The following PCDH10 variants were observed in gnomAD, a reference collection of about 807,000 sequenced individuals.
PCDH10 encodes the protein protocadherin-10.
Under a neutral mutation model 74.4 loss-of-function variants are expected in PCDH10, and 15 were observed. The ratio of observed to expected loss-of-function variants is 0.20; its 90% CI spans 0.13 to 0.31. The LOEUF (loss-of-function observed/expected upper bound fraction) is 0.31, where lower values mean the gene tolerates loss of function less well. Ranked by LOEUF, PCDH10 falls within the 10% of genes least tolerant of loss-of-function variation. The pLI, the probability that PCDH10 is intolerant of heterozygous loss-of-function variation, is 1.00. For synonymous variants in PCDH10, 619 were observed against 589.8 expected (o/e 1.05, Z -0.72); for missense variants, 1,260 against 1,390.2 (o/e 0.91, Z 1.49).
intron 4 of PCDH10, among the ~76,000 whole-genome samples, chr4:133,182,045 T>A (rs1727428318): frequency 6.6e-6 from 1 of 152,142 alleles, no homozygotes; most frequent in Admixed American, 6.6e-5. Context: ...ATTATTTGCC[T>A]GTATTTTTTT....
At chr4:133,163,305 T>C (rs1459091007) in intron 4 of PCDH10, 23 bp downstream of exon 4, 1 of 1,558,516 alleles carries the variant, frequency 6.4e-7, no homozygotes, top group African/African-American at 1.4e-5. Context: ...CAAAGGGCTC[T>C]GTTAAAGTGT....
chr4:133,195,826 G>GAT (rs1301957646), downstream of PCDH10, among the ~76,000 whole-genome samples: 5 of 151,908 alleles, frequency 3.3e-5, no homozygotes, highest in Non-Finnish European at 5.9e-5. Flanking sequence ...ACTTTTTTCA[G>GAT]ATATATATAC....
At chr4:133,173,040 A>G (rs916686036) in intron 4 of PCDH10, among the ~76,000 whole-genome samples, 2 of 152,008 alleles carry the variant, frequency 1.3e-5, no homozygotes, top group African/African-American at 4.8e-5. Context: ...TTATAGAAAC[A>G]AATATTTAAA....
intron 3 of PCDH10, among the ~76,000 whole-genome samples, chr4:133,162,207 A>G (rs1726983292): frequency 6.6e-6 from 1 of 152,208 alleles, no homozygotes; most frequent in South Asian, 2.1e-4. Context: ...TGTCAATAGT[A>G]TCTGCAGTTG....
At chr4:133,162,205 G>A (rs1389886987) in intron 3 of PCDH10, among the ~76,000 whole-genome samples, 1 of 152,136 alleles carries the variant, frequency 6.6e-6, no homozygotes, top group Non-Finnish European at 1.5e-5. Context: ...TTTGTCAATA[G>A]TATCTGCAGT....
At chr4:133,208,111 G>A (rs1728083841) in exon 3 of PCDH10, 1 of 152,206 alleles carries the variant, frequency 6.6e-6, no homozygotes, top group African/African-American at 2.4e-5. Context: ...AGAGACACAT[G>A]TGGCACAAGA....
chr4:133,169,447 C>T (rs1727157938), intron 4 of PCDH10, among the ~76,000 whole-genome samples: 3 of 151,754 alleles, frequency 2.0e-5, no homozygotes, highest in African/African-American at 7.2e-5. Flanking sequence ...TTTTTCAAAG[C>T]AGTTTATCTC....
chr4:133,151,744 A>G lies in PCDH10; in HGVS notation c.1604A>G (p.Gln535Arg), dbSNP rs1726704329. The part of the protein sequence containing the change: ...LYALRSFDYE[Q>R]LKDFSFQVEA... ...GCCCTGCGCTCCTTCGACTATGAGCAGCTGAAGGACTTCAGTTTTCAGGTG... is the reference window on the plus strand; with the variant it reads ...GCCCTGCGCTCCTTCGACTATGAGCGGCTGAAGGACTTCAGTTTTCAGGTG... The change falls in exon 1 of 5, where the codon CAG (glutamine) becomes CGG (arginine). Residue 535 changes from glutamine to arginine, a missense_variant. Gln to Arg is a conservative substitution (Grantham distance 43, BLOSUM62 1). Coordinates refer to ENST00000264360, the MANE Select transcript of PCDH10 (RefSeq NM_032961.3). The G allele has an allele frequency of 1.9e-6, 3 of 1,613,032 alleles. No homozygotes were observed. The highest frequency in any genetic ancestry group is 2.5e-6 in the Non-Finnish European group (3 of 1,180,052).
intron 4 of PCDH10, chr4:133,164,009 T>C (rs1425239512): frequency 1.1e-5 from 5 of 455,654 alleles, no homozygotes; most frequent in African/African-American, 2.0e-5. Context: ...AAGTGTTATA[T>C]GCTTAAAGGA....
intron 2 of PCDH10, among the ~76,000 whole-genome samples, chr4:133,203,881 G>A (rs1012776043): frequency 1.3e-5 from 2 of 152,158 alleles, no homozygotes; most frequent in African/African-American, 4.8e-5. Flanking sequence ...TCTGCATCTA[G>A]TAAGGTCATT....
At chr4:133,180,650 AGATT>A (rs1343281621) in intron 4 of PCDH10, among the ~76,000 whole-genome samples, 1 of 151,970 alleles carries the variant, frequency 6.6e-6, no homozygotes, top group Non-Finnish European at 1.5e-5. Context: ...GCCCCAAGAA[AGATT>A]GATTAATTAA....
rs1255767690 is a variant in PCDH10, at chr4:133,152,622, GAGTCCGCCA to G, written c.2485_2493del (p.Ser829_Lys831del). ...CTGCTATCAGGTATGCCTGACCCCT[GAGTCCGCCA>G]AGACCGACCTGATGTTTCTTAAGCC... On this transcript the variant is annotated inframe_deletion, in exon 1 of 5. Transcript: ENST00000264360. 1 of 1,614,190 alleles carries G rather than the reference GAGTCCGCCA, an allele frequency of 6.2e-7. No homozygotes were observed. Among genetic ancestry groups the G allele is most frequent in the Non-Finnish European group, 8.5e-7 (1 of 1,180,048 alleles).
At position 133,150,407 on chromosome 4, in the gene PCDH10, C is replaced by T. The variant is rs1726634893; in HGVS notation, c.267C>T (p.Pro89=). 5 of 1,614,022 alleles carry T rather than the reference C, an allele frequency of 3.1e-6. No individual in the cohort carries two copies. In the African/African-American group the frequency reaches 6.7e-5, roughly 22 times the overall value. The change falls in exon 1 of 5, where the codon CCC becomes CCT. Residue 89 remains proline, a synonymous_variant. Coordinates refer to ENST00000264360, the MANE Select transcript of PCDH10 (RefSeq NM_032961.3). ...IDREQICKQS[P]SCVLHLEVFL... is the part of the protein sequence containing the mutation. ...GCGAACAAATCTGCAAACAGAGCCCCTCCTGTGTCCTGCACCTGGAGGTCT... is the reference window on the plus strand; with the variant it reads ...GCGAACAAATCTGCAAACAGAGCCCTTCCTGTGTCCTGCACCTGGAGGTCT...
intron 4 of PCDH10, among the ~76,000 whole-genome samples, chr4:133,189,660 T>C (rs1727616546): frequency 6.6e-6 from 1 of 152,062 alleles, no homozygotes; most frequent in African/African-American, 2.4e-5. Flanking sequence ...CTTTAAATTA[T>C]TTAACTACAT....
chr4:133,184,795 T>TAAA (rs1239644088), intron 4 of PCDH10, among the ~76,000 whole-genome samples: 1 of 139,674 alleles, frequency 7.2e-6, no homozygotes, highest in African/African-American at 2.7e-5. Context: ...AATATATATA[T>TAAA]TTATATATAT....
At chr4:133,180,453 T>C (rs1727392682) in intron 4 of PCDH10, among the ~76,000 whole-genome samples, 1 of 152,032 alleles carries the variant, frequency 6.6e-6, no homozygotes, top group Non-Finnish European at 1.5e-5. Context: ...ATTTGTTTTA[T>C]GGCATTGTAG....
chr4:133,178,547 T>TA (rs903293066), intron 4 of PCDH10, among the ~76,000 whole-genome samples: 13 of 150,524 alleles, frequency 8.6e-5, no homozygotes, highest in Non-Finnish European at 1.8e-4. Flanking sequence ...TTTTTTTTTT[T>TA]AATTAAAGTT....
intron 2 of PCDH10, among the ~76,000 whole-genome samples, chr4:133,204,787 ATTATTGG>A (rs1727969514): frequency 6.6e-6 from 1 of 151,954 alleles, no homozygotes; most frequent in Admixed American, 6.6e-5. Context: ...CTGCCCTGGG[ATTATTGG>A]GATGGAGAAT....
chr4:133,153,120 CTTT>C lies in PCDH10; in HGVS notation c.2631+350_2631+352del, dbSNP rs1726778851. 2.4e-6 allele frequency: 3 copies of C among 1,272,298 alleles called. No individual in the cohort carries two copies. The East Asian group carries it at 1.0e-4, about 43-fold the overall frequency. The allele number at this position is 1,272,298 out of a possible 1,614,324, so 78.8% of individuals were successfully genotyped here. On this transcript the variant is annotated intron_variant, in intron 1 of 4. Coordinates refer to ENST00000264360, the MANE Select transcript of PCDH10 (RefSeq NM_032961.3). ...GAGGGAAATGTGGAGGAGGGACTTA[CTTT>C]CTAGCACTGGCAAAGGTCTTTTTTC...
Sources: gnomAD v4.1 joint callset for allele counts (sites outside exome capture counted in the v4.1 genomes callset) on GRCh38, gnomAD v4.1.1 for gene constraint, MANE v1.5 for transcripts, NCBI Gene and HGNC (gene_info 2026-07-23, HGNC 2026-07-21) for gene names.